The following CTNND2 variants were observed in gnomAD, a reference collection of about 807,000 sequenced individuals.
The protein encoded by CTNND2 is catenin delta 2, also known as catenin delta-2.
CTNND2 carries 22 observed loss-of-function variants against 144.4 expected under a neutral mutation model. The observed-to-expected ratio is 0.15, with a 90% CI of 0.11 to 0.22. CTNND2 has a LOEUF of 0.22. Among genes scored for constraint, CTNND2 ranks in the 10% least tolerant of loss-of-function variants. The probability of loss-of-function intolerance (pLI) is 1.00; values close to 1 mark genes in which losing one functional copy is unlikely to be tolerated. For missense variants in CTNND2, 1,353 were observed against 1,618.8 expected, an observed-to-expected ratio of 0.84 and a Z score of 2.82; for synonymous variants, 751 against 695.6, an observed-to-expected ratio of 1.08 and a Z score of -1.25.
intron 3 of CTNND2, among the ~76,000 whole-genome samples, chr5:11,493,925 G>A (rs1280710668): frequency 6.6e-6 from 1 of 151,800 alleles, no homozygotes; most frequent in African/African-American, 2.4e-5. Context: ...TAGATTTGTA[G>A]CTGCGATAAT....
chr5:11,411,762 T>G, intron 4 of CTNND2, 110 bp from the exon 5 acceptor site: 1 of 785,446 alleles, frequency 1.3e-6, no homozygotes, highest in Non-Finnish European at 2.0e-6. Flanking sequence ...ATTACCTCTA[T>G]GAAGTTTTCA....
At chr5:11,531,946 C>T (rs780190265) in intron 3 of CTNND2, among the ~76,000 whole-genome samples, 13 of 152,284 alleles carry the variant, frequency 8.5e-5, no homozygotes, top group Admixed American at 1.3e-4. Context: ...ACACACTAAC[C>T]GCAGTGCACA....
intron 9 of CTNND2, among the ~76,000 whole-genome samples, chr5:11,254,515 C>T (rs765959711): frequency 1.3e-5 from 2 of 152,088 alleles, no homozygotes; most frequent in African/African-American, 4.8e-5. Context: ...TTTTTGACTC[C>T]ATTTGAATAG....
intron 9 of CTNND2, among the ~76,000 whole-genome samples, chr5:11,338,334 A>C (rs1206946718): frequency 6.6e-6 from 1 of 152,158 alleles, no homozygotes; most frequent in African/African-American, 2.4e-5. Context: ...ACCTCTCTGC[A>C]GTCCTCGAGG....
chr5:11,073,592 C>T (rs913821158), intron 16 of CTNND2, among the ~76,000 whole-genome samples: 1 of 152,172 alleles, frequency 6.6e-6, no homozygotes, highest in East Asian at 1.9e-4. Context: ...TTATAACTTC[C>T]CTTTTAAGGA....
chr5:11,461,337 C>A (rs1411175551), intron 3 of CTNND2, among the ~76,000 whole-genome samples: 4 of 152,076 alleles, frequency 2.6e-5, no homozygotes, highest in African/African-American at 7.2e-5. Flanking sequence ...ACAACTCGGT[C>A]CAAACCCAGC....
At chr5:11,495,160 G>A (rs917018954) in intron 3 of CTNND2, among the ~76,000 whole-genome samples, 2 of 152,142 alleles carry the variant, frequency 1.3e-5, no homozygotes, top group Non-Finnish European at 2.9e-5. Flanking sequence ...CTAAGAGTGT[G>A]CTTCATGATT....
At chr5:11,650,583 A>G (rs1782597945) in intron 2 of CTNND2, among the ~76,000 whole-genome samples, 1 of 152,192 alleles carries the variant, frequency 6.6e-6, no homozygotes, top group Admixed American at 6.6e-5. Context: ...GAGATTTGTT[A>G]TATTGTTGTG....
chr5:11,892,010 A>T (rs1737001774), intron 1 of CTNND2, among the ~76,000 whole-genome samples: 1 of 152,208 alleles, frequency 6.6e-6, no homozygotes, highest in Non-Finnish European at 1.5e-5. Flanking sequence ...TGTTGTCAAA[A>T]CGTCCTACCA....
intron 1 of CTNND2, among the ~76,000 whole-genome samples, chr5:11,874,554 T>C (rs1437338082): frequency 6.6e-6 from 1 of 152,028 alleles, no homozygotes; most frequent in Non-Finnish European, 1.5e-5. Context: ...GGGGACCCCA[T>C]CACCAAGACA....
intron 10 of CTNND2, among the ~76,000 whole-genome samples, chr5:11,233,586 G>A (rs1741278289): frequency 6.6e-6 from 1 of 152,200 alleles, no homozygotes; most frequent in Non-Finnish European, 1.5e-5. Context: ...AAAATTCAAT[G>A]TCTGTGTATG....
chr5:11,843,727 T>C (rs1440407061), intron 1 of CTNND2, among the ~76,000 whole-genome samples: 1 of 152,194 alleles, frequency 6.6e-6, no homozygotes, highest in East Asian at 1.9e-4. Context: ...TCTAAATGTG[T>C]ATTAGAAATG....
intron 3 of CTNND2, among the ~76,000 whole-genome samples, chr5:11,461,333 C>T (rs1028691897): frequency 6.6e-6 from 1 of 152,136 alleles, no homozygotes; most frequent in Non-Finnish European, 1.5e-5. Flanking sequence ...CAGTACAACT[C>T]GGTCCAAACC....
intron 2 of CTNND2, among the ~76,000 whole-genome samples, chr5:11,594,754 T>C (rs1027634764): frequency 4.6e-5 from 7 of 152,158 alleles, no homozygotes; most frequent in African/African-American, 1.4e-4. Flanking sequence ...TATCTACTTA[T>C]ATGGACAGAG....
chr5:11,893,628 C>T (rs1376108242), intron 1 of CTNND2, among the ~76,000 whole-genome samples: 1 of 152,136 alleles, frequency 6.6e-6, no homozygotes. Flanking sequence ...CTTCCACATC[C>T]ATCGCCTATA....
At chr5:11,140,707 T>A (rs1756643228) in intron 12 of CTNND2, among the ~76,000 whole-genome samples, 1 of 152,122 alleles carries the variant, frequency 6.6e-6, no homozygotes, top group Non-Finnish European at 1.5e-5. Context: ...GAAAGAAGGA[T>A]CTGGGAAAAC....
chr5:11,539,652 C>T (rs10072391), intron 3 of CTNND2, among the ~76,000 whole-genome samples: 59,867 of 152,096 alleles, frequency 0.39, 12,807 homozygotes, highest in Middle Eastern at 0.59. Flanking sequence ...GAATTTGCAG[C>T]CTTTCTGCAG....
chr5:11,131,167 T>C (rs575915778), intron 12 of CTNND2, among the ~76,000 whole-genome samples: 1 of 152,326 alleles, frequency 6.6e-6, no homozygotes, highest in African/African-American at 2.4e-5. Context: ...GTGATTTATA[T>C]GACAAGTCAC....
intron 15 of CTNND2, among the ~76,000 whole-genome samples, chr5:11,089,198 T>G (rs1750497056): frequency 6.6e-6 from 1 of 152,216 alleles, no homozygotes; most frequent in Non-Finnish European, 1.5e-5. Flanking sequence ...AGAAAATAAC[T>G]TATCTCGCTT....
Sources: gnomAD v4.1 joint callset for allele counts (sites outside exome capture counted in the v4.1 genomes callset) on GRCh38, gnomAD v4.1.1 for gene constraint, MANE v1.5 for transcripts, NCBI Gene and HGNC (gene_info 2026-07-23, HGNC 2026-07-21) for gene names.